BTBD9: variants seen among roughly 807,000 people sequenced by gnomAD.
BTBD9 encodes the protein BTB domain containing 9.
In BTBD9, 49 loss-of-function variants were observed where a neutral mutation model predicts 64.3. The observed-to-expected ratio is 0.76, with a 90% CI of 0.61 to 0.97. The LOEUF (loss-of-function observed/expected upper bound fraction) is 0.97. BTBD9 is among the 50% of genes least tolerant of loss of function. The probability of loss-of-function intolerance (pLI) is 0.00; values close to 1 mark genes in which losing one functional copy is unlikely to be tolerated. For missense variants in BTBD9, 598 were observed against 762.1 expected, an observed-to-expected ratio of 0.78 and a Z score of 2.53; for synonymous variants, 260 against 274.7, an observed-to-expected ratio of 0.95 and a Z score of 0.53.
intron 1 of BTBD9, among the ~76,000 whole-genome samples, chr6:38,622,863 A>G (rs1283417028): frequency 6.6e-6 from 1 of 152,156 alleles, no homozygotes; most frequent in Non-Finnish European, 1.5e-5. Context: ...AATGGCAAAC[A>G]TACTCCCTGC....
chr6:38,418,762 CAGGAATGAA>C (rs1261612444), intron 6 of BTBD9, among the ~76,000 whole-genome samples: 3 of 152,232 alleles, frequency 2.0e-5, no homozygotes, highest in South Asian at 4.2e-4. Context: ...TTTTAGACCT[CAGGAATGAA>C]TTTTTACTCC....
intron 6 of BTBD9, among the ~76,000 whole-genome samples, chr6:38,364,246 T>G (rs906953902): frequency 1.3e-5 from 2 of 152,188 alleles, no homozygotes; most frequent in African/African-American, 4.8e-5. Context: ...TGCAGCTGAC[T>G]CTACACACAG....
intron 7 of BTBD9, among the ~76,000 whole-genome samples, chr6:38,299,101 G>C (rs1250022049): frequency 6.6e-6 from 1 of 152,054 alleles, no homozygotes; most frequent in African/African-American, 2.4e-5. Context: ...GTGAGAACAT[G>C]CAGTGTTTGG....
intron 10 of BTBD9, among the ~76,000 whole-genome samples, chr6:38,187,421 T>C (rs1462599020): frequency 6.6e-6 from 1 of 152,042 alleles, no homozygotes; most frequent in Non-Finnish European, 1.5e-5. Context: ...GACAATCAGA[T>C]GCATGGAAAC....
At chr6:38,397,006 A>C (rs1280522962) in intron 6 of BTBD9, among the ~76,000 whole-genome samples, 1 of 141,894 alleles carries the variant, frequency 7.0e-6, no homozygotes, top group Non-Finnish European at 1.5e-5. Flanking sequence ...GGTTCAAGTG[A>C]TTCTCAGGCC....
intron 6 of BTBD9, among the ~76,000 whole-genome samples, chr6:38,484,976 C>T (rs1403584413): frequency 2.0e-5 from 3 of 152,148 alleles, no homozygotes; most frequent in Non-Finnish European, 4.4e-5. Flanking sequence ...CTGTAGCATA[C>T]GATGCTGTTT....
intron 6 of BTBD9, among the ~76,000 whole-genome samples, chr6:38,453,128 A>T (rs1358497378): frequency 2.0e-5 from 3 of 152,172 alleles, no homozygotes; most frequent in Non-Finnish European, 4.4e-5. Flanking sequence ...ATTTATGCAA[A>T]GTAACAGACT....
intron 6 of BTBD9, among the ~76,000 whole-genome samples, chr6:38,507,088 G>C (rs561264578): frequency 2.0e-5 from 3 of 152,070 alleles, no homozygotes; most frequent in Non-Finnish European, 4.4e-5. Context: ...CACATCCTTC[G>C]GATCTCAGTT....
intron 6 of BTBD9, chr6:38,402,675 C>G: frequency 3.4e-6 from 2 of 592,956 alleles, no homozygotes; most frequent in Non-Finnish European, 6.0e-6. Flanking sequence ...AAAAATGGAT[C>G]AAAGACCTAA....
intron 6 of BTBD9, among the ~76,000 whole-genome samples, chr6:38,469,944 A>C (rs774953558): frequency 2.0e-5 from 3 of 152,246 alleles, no homozygotes; most frequent in Admixed American, 6.5e-5. Flanking sequence ...AGAATTTAGA[A>C]TTACCTCAAA....
At chr6:38,346,008 A>C (rs1764263391) in intron 6 of BTBD9, among the ~76,000 whole-genome samples, 1 of 152,194 alleles carries the variant, frequency 6.6e-6, no homozygotes, top group Non-Finnish European at 1.5e-5. Context: ...CAAAGTAAGA[A>C]CCAGGAAAAA....
chr6:38,300,356 C>T (rs992980087), intron 7 of BTBD9, among the ~76,000 whole-genome samples: 2 of 152,042 alleles, frequency 1.3e-5, no homozygotes, highest in African/African-American at 2.4e-5. Context: ...TTTTTGGTTC[C>T]ATATGAACTT....
intron 6 of BTBD9, among the ~76,000 whole-genome samples, chr6:38,350,892 C>T (rs980957865): frequency 6.6e-5 from 10 of 152,190 alleles, no homozygotes; most frequent in African/African-American, 1.9e-4. Flanking sequence ...TAAGGAGATA[C>T]TAAGATTATA....
chr6:38,416,244 C>G (rs550041414), intron 6 of BTBD9, among the ~76,000 whole-genome samples: 1 of 152,050 alleles, frequency 6.6e-6, no homozygotes, highest in African/African-American at 2.4e-5. Flanking sequence ...CGTGAGCTAC[C>G]CTGCCTACCC....
In BTBD9 at chr6:38,208,343, A is replaced by G. The variant is rs373905450; in HGVS notation, c.1563-15746T>C. ...ACAGCTGCCCACTGTCCCTCCAAGC[A>G]TGCTGCTCTTATTGTCTGGCGCATT... On this transcript the variant is annotated intron_variant, in intron 9 of 10. Coordinates refer to ENST00000481247, the MANE Select transcript of BTBD9 (RefSeq NM_001099272.2). Among the ~76,000 whole-genome samples, 15 of 152,278 alleles carry G rather than the reference A, an allele frequency of 9.9e-5. No individual in the cohort carries two copies. In the South Asian group the frequency reaches 3.1e-3, roughly 32 times the overall value.
chr6:38,541,675 T>G (rs1345611435), intron 6 of BTBD9, among the ~76,000 whole-genome samples: 2 of 151,980 alleles, frequency 1.3e-5, no homozygotes, highest in Non-Finnish European at 2.9e-5. Context: ...GAGATGGAGG[T>G]TGCTGTGAGC....
chr6:38,394,710 C>T (rs865807751), intron 6 of BTBD9, among the ~76,000 whole-genome samples: 15 of 151,686 alleles, frequency 9.9e-5, no homozygotes, highest in African/African-American at 3.4e-4. Flanking sequence ...TCTCTTAGAT[C>T]ACTTTCTCTG....
intron 7 of BTBD9, among the ~76,000 whole-genome samples, chr6:38,341,422 A>G (rs1441700980): frequency 6.6e-6 from 1 of 152,240 alleles, no homozygotes; most frequent in Non-Finnish European, 1.5e-5. Context: ...AACAAAGTAG[A>G]TCACATACAG....
chr6:38,318,840 T>C (rs1350713279), intron 7 of BTBD9, among the ~76,000 whole-genome samples: 1 of 152,138 alleles, frequency 6.6e-6, no homozygotes, highest in Non-Finnish European at 1.5e-5. Context: ...CAGTCTTGTG[T>C]CCTTACCTTC....
Sources: gnomAD v4.1 joint callset for allele counts (sites outside exome capture counted in the v4.1 genomes callset) on GRCh38, gnomAD v4.1.1 for gene constraint, MANE v1.5 for transcripts, NCBI Gene and HGNC (gene_info 2026-07-23, HGNC 2026-07-21) for gene names.